Variants in ARHGEF38 observed in about 807,000 individuals in gnomAD.
The protein encoded by ARHGEF38 is Rho guanine nucleotide exchange factor 38.
Under a neutral mutation model 79.9 loss-of-function variants are expected in ARHGEF38, and 79 were observed. That is an observed-to-expected ratio of 0.99 (90% CI 0.82 to 1.19). ARHGEF38 has a LOEUF of 1.19. Among genes scored for constraint, ARHGEF38 ranks in the 50% most tolerant of loss-of-function variants. The pLI is 0.00. For synonymous variants in ARHGEF38, 366 were observed against 328.3 expected (o/e 1.11, Z -1.24); for missense variants, 962 against 907.2 (o/e 1.06, Z -0.78).
chr4:105,644,934 A>G (rs888537161), intron 5 of ARHGEF38, among the ~76,000 whole-genome samples: 1 of 152,216 alleles, frequency 6.6e-6, no homozygotes, highest in Non-Finnish European at 1.5e-5. Flanking sequence ...TACATGGCAT[A>G]TGGATGAAAA....
Position 105,613,344 on chromosome 4 carries a change from C to T in ARHGEF38, c.385-40C>T, listed in dbSNP as rs1239294529. On this transcript the variant is annotated intron_variant, in intron 2 of 13. Coordinates refer to ENST00000420470, the MANE Select transcript of ARHGEF38 (RefSeq NM_001242729.2). ...TTAGGAGGAGAAAACATCCTAAATA[C>T]AGTGCTTCTCCATCAGCTCAATGTT... is the stretch of plus-strand genomic sequence containing the variant. The T allele has an allele frequency of 3.7e-6, 6 of 1,600,310 alleles. No homozygotes were observed. The South Asian group carries it at 5.7e-5, about 15-fold the overall frequency.
rs532527007 is a variant in ARHGEF38, at chr4:105,643,849, A to G, written c.675-1339A>G. Among the ~76,000 whole-genome samples, 38 of 143,848 alleles carry G rather than the reference A, an allele frequency of 2.6e-4. No homozygotes were observed. In the South Asian group the frequency reaches 8.5e-3, roughly 32 times the overall value. The allele number at this position is 143,848 out of a possible 152,430, so 94.4% of individuals were successfully genotyped here. On this transcript the variant is annotated intron_variant, in intron 5 of 13. Coordinates refer to ENST00000420470, the MANE Select transcript of ARHGEF38 (RefSeq NM_001242729.2). ...TCATTTATCAAATGAATTGAATTAGATGGTCTCTAAGATGCCTTCCTACTT... is the reference window on the plus strand; with the variant it reads ...TCATTTATCAAATGAATTGAATTAGGTGGTCTCTAAGATGCCTTCCTACTT...
intron 3 of ARHGEF38, among the ~76,000 whole-genome samples, chr4:105,630,430 G>C (rs577809400): frequency 4.6e-5 from 7 of 152,116 alleles, no homozygotes; most frequent in African/African-American, 1.7e-4. Context: ...TTTTAGTAGA[G>C]ACGGGGTTTC....
chr4:105,589,468 C>G (rs539154608), intron 2 of ARHGEF38, 33 bp downstream of exon 2: 2 of 1,565,100 alleles, frequency 1.3e-6, no homozygotes, highest in South Asian at 2.4e-5. Flanking sequence ...TTTTTCTCTC[C>G]CATATCATAA....
intron 2 of ARHGEF38, among the ~76,000 whole-genome samples, chr4:105,613,168 A>G (rs779736248): frequency 1.3e-5 from 2 of 152,196 alleles, no homozygotes; most frequent in Admixed American, 6.5e-5. Context: ...GATACAAAAC[A>G]TATTCAAAAT....
intron 4 of ARHGEF38, chr4:105,631,421 T>C: frequency 1.0e-6 from 1 of 989,926 alleles, no homozygotes. Context: ...CATGGGTTAA[T>C]GGAGTTAGGG....
At chr4:105,663,400 A>G (rs540800256) in intron 10 of ARHGEF38, among the ~76,000 whole-genome samples, 1 of 152,214 alleles carries the variant, frequency 6.6e-6, no homozygotes, top group Non-Finnish European at 1.5e-5. Flanking sequence ...ATTGTTGTGT[A>G]ATAGCTCTCC....
intron 2 of ARHGEF38, among the ~76,000 whole-genome samples, chr4:105,598,026 T>C (rs559522033): frequency 1.1e-4 from 16 of 152,254 alleles, no homozygotes; most frequent in African/African-American, 3.9e-4. Flanking sequence ...TTTTTTAATA[T>C]ATTGTGTTTT....
chr4:105,579,754 T>G (rs1305805267), intron 1 of ARHGEF38, among the ~76,000 whole-genome samples: 3 of 151,980 alleles, frequency 2.0e-5, no homozygotes, highest in Non-Finnish European at 1.5e-5. Flanking sequence ...ATAGCAGGAG[T>G]TGGGGAGGAG....
chr4:105,670,748 T>G (rs2110582516), intron 13 of ARHGEF38, among the ~76,000 whole-genome samples: 1 of 152,334 alleles, frequency 6.6e-6, no homozygotes, highest in Middle Eastern at 3.4e-3. Context: ...CAGTGAAATC[T>G]ATGTACCTGA....
rs1397589075 is a variant in ARHGEF38, at chr4:105,645,226, T to C, written c.713T>C (p.Ile238Thr). 2.2e-5 allele frequency: 33 copies of C among 1,533,892 alleles called. No homozygotes were observed. The highest frequency in any genetic ancestry group is 2.8e-5 in the Non-Finnish European group (32 of 1,146,096). ...TTATTGGACATGGGCTCTTTGATGA[T>C]CAAACCAATTCAACGTGTGATGAAA... ...PNLLDMGSLM[I>T]KPIQRVMKYP... The change falls in exon 6 of 14, where the codon ATC becomes ACC. Residue 238 changes from isoleucine to threonine, a missense_variant. Coordinates refer to ENST00000420470, the MANE Select transcript of ARHGEF38 (RefSeq NM_001242729.2).
At chr4:105,616,066 C>T (rs549323609) in intron 3 of ARHGEF38, among the ~76,000 whole-genome samples, 2 of 152,090 alleles carry the variant, frequency 1.3e-5, no homozygotes, top group Non-Finnish European at 2.9e-5. Flanking sequence ...TAATGGGACA[C>T]GTTTTTACAG....
chr4:105,613,184 TA>T (rs1199818475), intron 2 of ARHGEF38, among the ~76,000 whole-genome samples, 199 bp from the exon 3 acceptor site: 1 of 152,084 alleles, frequency 6.6e-6, no homozygotes, highest in Admixed American at 6.6e-5. Context: ...AAAATTTTTT[TA>T]AAAAGACAGA....
chr4:105,639,480 T>C (rs1404032561), intron 5 of ARHGEF38, among the ~76,000 whole-genome samples: 1 of 152,032 alleles, frequency 6.6e-6, no homozygotes, highest in East Asian at 1.9e-4. Flanking sequence ...AGGATGATCC[T>C]ATGATTTCTT....
chr4:105,627,194 A>G (rs932583132), intron 3 of ARHGEF38, among the ~76,000 whole-genome samples: 1 of 152,164 alleles, frequency 6.6e-6, no homozygotes, highest in African/African-American at 2.4e-5. Flanking sequence ...ATTTTCAAAA[A>G]GGGATGAACT....
chr4:105,585,756 G>T (rs957462247), intron 1 of ARHGEF38, among the ~76,000 whole-genome samples: 1 of 24,112 alleles, frequency 4.1e-5, no homozygotes, highest in Admixed American at 8.4e-4. Context: ...TTTTGAGATG[G>T]AGTCTCCTTC....
At chr4:105,627,708 T>G (rs1243941257) in intron 3 of ARHGEF38, among the ~76,000 whole-genome samples, 2 of 152,214 alleles carry the variant, frequency 1.3e-5, no homozygotes, top group African/African-American at 4.8e-5. Flanking sequence ...TGGTCTTGGC[T>G]TAGTCCCTCC....
chr4:105,552,736 G>T lies in ARHGEF38; in HGVS notation c.-30G>T, dbSNP rs1187795688. 1 of 1,570,286 alleles carries T rather than the reference G, an allele frequency of 6.4e-7. No homozygotes were observed. Among genetic ancestry groups the T allele is most frequent in the African/African-American group, 1.4e-5 (1 of 72,970 alleles). On this transcript the variant is annotated 5_prime_UTR_variant, in exon 1 of 14. Coordinates refer to ENST00000420470, the MANE Select transcript of ARHGEF38 (RefSeq NM_001242729.2). ...GCACCTTAGCAATCAGCCATTGCCTGCAAGCCTCCAAAGCTTGTCTTTGCC... is the reference window on the plus strand; with the variant it reads ...GCACCTTAGCAATCAGCCATTGCCTTCAAGCCTCCAAAGCTTGTCTTTGCC...
At chr4:105,591,294 T>A (rs1727322492) in intron 2 of ARHGEF38, among the ~76,000 whole-genome samples, 2 of 152,164 alleles carry the variant, frequency 1.3e-5, no homozygotes, top group Admixed American at 1.3e-4. Context: ...AGTGGCGCTG[T>A]CTCTGCTCAC....
Sources: allele counts gnomAD v4.1 joint callset (sites outside exome capture counted in the v4.1 genomes callset), GRCh38; gene constraint gnomAD v4.1.1; transcripts MANE v1.5; gene names NCBI Gene and HGNC (gene_info 2026-07-23, HGNC 2026-07-21).